The following CNGA4 variants were observed in gnomAD, a reference collection of about 807,000 sequenced individuals.
CNGA4 encodes the protein cyclic nucleotide gated channel subunit alpha 4, also known as cyclic nucleotide-gated channel alpha-4.
In CNGA4, 32 loss-of-function variants were observed where a neutral mutation model predicts 45.6. The ratio of observed to expected loss-of-function variants is 0.70; its 90% CI spans 0.53 to 0.94. CNGA4 has a LOEUF of 0.94. CNGA4 is among the 40% of genes least tolerant of loss of function. The pLI, the probability that CNGA4 is intolerant of heterozygous loss-of-function variation, is 0.00. For synonymous variants in CNGA4, 293 were observed against 304.6 expected (o/e 0.96, Z 0.40); for missense variants, 726 against 755.1 (o/e 0.96, Z 0.45).
At position 6,240,527 on chromosome 11, in the gene CNGA4, C is replaced by A. The variant is rs780923896; in HGVS notation, c.733C>A (p.Leu245Ile). 26 of 1,614,126 alleles carry A rather than the reference C, an allele frequency of 1.6e-5. No homozygotes were observed. Among genetic ancestry groups the A allele is most frequent in the Non-Finnish European group, 1.9e-5 (23 of 1,180,064 alleles). Reference sequence around the variant, plus strand: ...GCCGCCAGCCAGGGAAGAAGAGTACCTCTTCATGGTGGGCGACTTCCTGCT... The same window carrying A: ...GCCGCCAGCCAGGGAAGAAGAGTACATCTTCATGGTGGGCGACTTCCTGCT... ...TPPPAREEEY[L>I]FMVGDFLLAV... Residue 245 changes from leucine (L) to isoleucine (I), a missense_variant, in exon 4 of 6, where the codon CTC (leucine) becomes ATC (isoleucine). By Grantham distance (5) the Leu-to-Ile change is conservative (BLOSUM62 2). Coordinates refer to ENST00000379936, the MANE Select transcript of CNGA4 (RefSeq NM_001037329.4). The surrounding 1 kb of genome is among the most constrained non-coding windows in gnomAD (Gnocchi z 4.9).
upstream of CNGA4, among the ~76,000 whole-genome samples, chr11:6,238,521 G>A (rs1159898632): frequency 6.6e-6 from 1 of 152,164 alleles, no homozygotes; most frequent in Non-Finnish European, 1.5e-5. Flanking sequence ...TGGAATGGTT[G>A]GTAGGATCAG....
rs777869465 is a variant in CNGA4, at chr11:6,241,616, C to T, written c.1103C>T (p.Thr368Ile). The T allele has an allele frequency of 6.2e-6, 10 of 1,614,112 alleles. No individual in the cohort carries two copies. The highest frequency in any genetic ancestry group is 8.5e-6 in the Non-Finnish European group (10 of 1,180,048). ...EELVLKLQPQ[T>I]YSPGEYVCRK... ...CTGGTGCTGAAGCTGCAGCCCCAGA[C>T]CTACTCACCAGGTGAATATGTATGC... Residue 368 changes from threonine (T) to isoleucine (I), a missense_variant, in exon 5 of 6, where the codon ACC becomes ATC. Thr to Ile is a moderately conservative substitution (Grantham distance 89, BLOSUM62 -1). Transcript: ENST00000379936.
At position 6,239,792 on chromosome 11, in the gene CNGA4, T is replaced by C; in HGVS notation, c.271+2T>C. 1 of 1,611,840 alleles carries C rather than the reference T, an allele frequency of 6.2e-7. No individual in the cohort carries two copies. The highest frequency in any genetic ancestry group is 8.5e-7 in the Non-Finnish European group (1 of 1,178,520). Reference sequence around the variant, plus strand: ...ACATGGTGGTGCGCTTCCACACAGGTCAGTGGGCTTCTAGGAATGACCCTT... The same window carrying C: ...ACATGGTGGTGCGCTTCCACACAGGCCAGTGGGCTTCTAGGAATGACCCTT... On this transcript the variant is annotated splice_donor_variant, in intron 3 of 5. Transcript: ENST00000379936. LOFTEE classifies it high-confidence loss of function.
chr11:6,235,570 G>A, upstream of CNGA4: 1 of 979,206 alleles, frequency 1.0e-6, no homozygotes, highest in Non-Finnish European at 1.2e-6. Flanking sequence ...TGTCTAAGCC[G>A]AGTCTTGGGA....
chr11:6,242,759 C>T (rs1043664830), intron 5 of CNGA4, among the ~76,000 whole-genome samples: 2 of 152,154 alleles, frequency 1.3e-5, no homozygotes, highest in Admixed American at 6.5e-5. Flanking sequence ...AGGCATCCAG[C>T]GCAGTGCTTG....
At chr11:6,243,809 T>C in intron 5 of CNGA4, 140 bp from the exon 6 acceptor site, 2 of 741,812 alleles carry the variant, frequency 2.7e-6, no homozygotes, top group Non-Finnish European at 4.3e-6. Flanking sequence ...CCCCAGTATG[T>C]TACTAAATGA....
chr11:6,243,289 C>T (rs549106810), intron 5 of CNGA4, among the ~76,000 whole-genome samples: 77 of 152,232 alleles, frequency 5.1e-4, no homozygotes, highest in Middle Eastern at 6.8e-3. Flanking sequence ...TCAGGATTTA[C>T]GGGAAGCATG....
rs750046330 is a variant in CNGA4 at position 6,241,554 on chromosome 11, G to C, written c.1041G>C (p.Gln347His). Residue 347 changes from glutamine (Q) to histidine (H), a missense_variant, in exon 5 of 6, where the codon CAG (glutamine) becomes CAC (histidine). By Grantham distance (24) the Gln-to-His change is conservative. Transcript: ENST00000379936. The stretch of plus-strand genomic sequence containing the variant: ...ACCTGTCCACTCTGAGCCGGGTGCA[G>C]ATCTTTCAGAACTGTGAGGCCAGCC... ...SVHLSTLSRVQIFQNCEASLL... is the reference protein window; with the variant it reads ...SVHLSTLSRVHIFQNCEASLL... The C allele has an allele frequency of 1.9e-6, 3 of 1,614,250 alleles. No homozygotes were observed. Among genetic ancestry groups the C allele is most frequent in the South Asian group, 1.1e-5 (1 of 91,086 alleles).
chr11:6,241,437 GC>G lies in CNGA4; in HGVS notation c.925del (p.His309ThrfsTer8). The G allele has an allele frequency of 6.3e-7, 1 of 1,577,528 alleles. No individual in the cohort carries two copies. Among genetic ancestry groups the G allele is most frequent in the Non-Finnish European group, 8.6e-7 (1 of 1,158,482 alleles). ...LERRVIDWYQHLQINKKMTNE... is the reference protein window; with the variant it reads ...LERRVIDWYQXLQINKKMTNE... ...GCACTGTCCTTACTCTCAGGTATCA[GC>G]ACCTGCAGATCAACAAGAAGATGAC... On this transcript the variant is annotated frameshift_variant, in exon 5 of 6. Transcript: ENST00000379936. LOFTEE classifies it high-confidence loss of function.
At position 6,243,966 on chromosome 11, in the gene CNGA4, C is replaced by G. The variant is rs200179469; in HGVS notation, c.1285C>G (p.Arg429Gly). The change falls in exon 6 of 6, where the codon CGC (arginine) becomes GGC (glycine). Residue 429 changes from arginine to glycine, a missense_variant. Transcript: ENST00000379936. ...INIKGNMSGN[R>G]RTANIKSLGY... ...AGCCACAGGGAACATGTCTGGGAAC[C>G]GCCGCACAGCCAACATCAAGAGCCT... 9.3e-6 allele frequency: 15 copies of G among 1,613,388 alleles called. No homozygotes were observed. Among genetic ancestry groups the G allele is most frequent in the Non-Finnish European group, 1.3e-5 (15 of 1,179,778 alleles).
At position 6,239,160 on chromosome 11, in the gene CNGA4, C is replaced by T. The variant is rs561237176; in HGVS notation, c.-47C>T. On this transcript the variant is annotated 5_prime_UTR_variant, in exon 1 of 6. Transcript: ENST00000379936. ...CCCAACTCCAGAAGTCCCCTACAGG[C>T]AGAGAGGGTGTGGACATCTCACACC... 1.2e-6 allele frequency: 2 copies of T among 1,612,266 alleles called. No individual in the cohort carries two copies. Among genetic ancestry groups the T allele is most frequent in the Admixed American group, 3.3e-5 (2 of 60,016 alleles).
In CNGA4 at chr11:6,239,907, C is replaced by T; in HGVS notation, c.271+117C>T. ...GTAGCACCTTCGCGTGCCTCTATGCCTGACAGCATCCCAGTGCTCACCCCG... is the reference window on the plus strand; with the variant it reads ...GTAGCACCTTCGCGTGCCTCTATGCTTGACAGCATCCCAGTGCTCACCCCG... On this transcript the variant is annotated intron_variant, in intron 3 of 5. Transcript: ENST00000379936. 5 of 1,339,230 alleles carry T rather than the reference C, an allele frequency of 3.7e-6. No individual in the cohort carries two copies. In the South Asian group the frequency reaches 6.7e-5, roughly 18 times the overall value. The allele number at this position is 1,339,230 out of a possible 1,614,324, so 83.0% of individuals were successfully genotyped here.
upstream of CNGA4, among the ~76,000 whole-genome samples, chr11:6,237,141 T>C (rs1383310212): frequency 6.6e-6 from 1 of 152,214 alleles, no homozygotes; most frequent in Non-Finnish European, 1.5e-5. Context: ...GGAAGCTGCA[T>C]GGCCTTTTAT....
At chr11:6,237,404 A>T (rs1477413723), upstream of CNGA4, among the ~76,000 whole-genome samples, 1 of 152,228 alleles carries the variant, frequency 6.6e-6, no homozygotes, top group African/African-American at 2.4e-5. Flanking sequence ...AAGTAGGAAC[A>T]TCCAGTGAGC....
chr11:6,243,422 C>G (rs1847945383), intron 5 of CNGA4, among the ~76,000 whole-genome samples: 1 of 152,132 alleles, frequency 6.6e-6, no homozygotes, highest in South Asian at 2.1e-4. Flanking sequence ...AGGTGCCACA[C>G]TTTCAAACAA....
intron 1 of CNGA4, 38 bp from the exon 2 acceptor site, chr11:6,239,346 C>G (rs372687394): frequency 1.6e-5 from 26 of 1,612,196 alleles, no homozygotes; most frequent in Non-Finnish European, 2.2e-5. Context: ...GCTTTGAATG[C>G]CTGGTGAATA....
Position 6,241,594 on chromosome 11 carries a change from G to C in CNGA4, c.1081G>C (p.Val361Leu). ...TGAGGCCAGCCTGCTGGAGGAGCTGGTGCTGAAGCTGCAGCCCCAGACCTA... is the reference window on the plus strand; with the variant it reads ...TGAGGCCAGCCTGCTGGAGGAGCTGCTGCTGAAGCTGCAGCCCCAGACCTA... Reference protein sequence around the residue: ...NCEASLLEELVLKLQPQTYSP... With the variant: ...NCEASLLEELLLKLQPQTYSP... The change falls in exon 5 of 6, where the codon GTG (valine) becomes CTG (leucine). Residue 361 changes from valine (V) to leucine (L), a missense_variant. Physicochemically the swap from Val to Leu is conservative, Grantham distance 32. Transcript: ENST00000379936. The C allele has an allele frequency of 6.2e-7, 1 of 1,614,248 alleles. No individual in the cohort carries two copies. Among genetic ancestry groups the C allele is most frequent in the Non-Finnish European group, 8.5e-7 (1 of 1,180,044 alleles).
At position 6,240,782 on chromosome 11, in the gene CNGA4, T is replaced by C. The variant is rs1452644607; in HGVS notation, c.917+71T>C. The C allele has an allele frequency of 1.3e-6, 2 of 1,538,710 alleles. No homozygotes were observed. The highest frequency in any genetic ancestry group is 2.7e-5 in the African/African-American group (2 of 73,096). On this transcript the variant is annotated intron_variant, in intron 4 of 5. Coordinates refer to ENST00000379936, the MANE Select transcript of CNGA4 (RefSeq NM_001037329.4). This position sits in a 1 kb window ranked among gnomAD's most constrained non-coding sequence, Gnocchi z 4.9. ...ATGGAACCTGAGGGAGGTAACTGGG[T>C]CCTTAGTGCCTGGTGAGCCAGGCAA...
At position 6,240,257 on chromosome 11, in the gene CNGA4, G is replaced by A. The variant is rs747193582; in HGVS notation, c.463G>A (p.Asp155Asn). ...LRAPRLFEAF[D>N]RTETRTAYPN... ...CGCGCCCCGCCTCTTCGAGGCCTTCGACCGCACAGAGACCCGCACAGCTTA... is the reference window on the plus strand; with the variant it reads ...CGCGCCCCGCCTCTTCGAGGCCTTCAACCGCACAGAGACCCGCACAGCTTA... Residue 155 changes from aspartate to asparagine, a missense_variant, in exon 4 of 6, where the codon GAC becomes AAC. By Grantham distance (23) the Asp-to-Asn change is conservative. Transcript: ENST00000379936. This position sits in a 1 kb window ranked among gnomAD's most constrained non-coding sequence, Gnocchi z 4.9. The A allele has an allele frequency of 6.2e-7, 1 of 1,614,206 alleles. No individual in the cohort carries two copies. Among genetic ancestry groups the A allele is most frequent in the Non-Finnish European group, 8.5e-7 (1 of 1,180,036 alleles).
Sources: allele counts gnomAD v4.1 joint callset (sites outside exome capture counted in the v4.1 genomes callset), GRCh38; gene constraint gnomAD v4.1.1; non-coding constraint Gnocchi (gnomAD v3.1); transcripts MANE v1.5; gene names NCBI Gene and HGNC (gene_info 2026-07-23, HGNC 2026-07-21).